The following PLEK variants were observed in gnomAD, a reference collection of about 807,000 sequenced individuals.
The protein encoded by PLEK is pleckstrin, also known as platelet 47 kDa protein.
Under a neutral mutation model 43.9 loss-of-function variants are expected in PLEK, and 25 were observed. The ratio of observed to expected loss-of-function variants is 0.57; its 90% CI spans 0.41 to 0.79. PLEK has a LOEUF of 0.79. Ranked by LOEUF, PLEK falls within the 30% of genes least tolerant of loss-of-function variation. PLEK has a pLI of 0.00. For synonymous variants in PLEK, 152 were observed against 144.4 expected, an observed-to-expected ratio of 1.05 and a Z score of -0.38; for missense variants, 396 against 413.3, an observed-to-expected ratio of 0.96 and a Z score of 0.36.
At chr2:68,375,568 G>A (rs1295054309) in intron 1 of PLEK, among the ~76,000 whole-genome samples, 1 of 152,132 alleles carries the variant, frequency 6.6e-6, no homozygotes, top group Middle Eastern at 3.2e-3. Flanking sequence ...AAAGAGATAG[G>A]GTATTTTAAT....
intron 1 of PLEK, among the ~76,000 whole-genome samples, chr2:68,378,807 G>T (rs1365401884): frequency 6.6e-6 from 1 of 152,146 alleles, no homozygotes; most frequent in Non-Finnish European, 1.5e-5. Flanking sequence ...GAGAGGGCAA[G>T]TGGCTTACAC....
intron 3 of PLEK, 27 bp from the exon 4 acceptor site, chr2:68,382,515 T>C: frequency 7.5e-7 from 1 of 1,336,924 alleles, no homozygotes. Flanking sequence ...TGTTTGTTTG[T>C]TTGTTTGCTT....
intron 2 of PLEK, 67 bp from the exon 3 acceptor site, chr2:68,380,656 C>T: frequency 1.3e-6 from 2 of 1,521,796 alleles, no homozygotes; most frequent in Non-Finnish European, 1.8e-6. Flanking sequence ...CCAATGGCCT[C>T]TGCTTCATGA....
chr2:68,387,007 A>G (rs1201755429), intron 5 of PLEK, among the ~76,000 whole-genome samples: 2 of 152,016 alleles, frequency 1.3e-5, no homozygotes, highest in South Asian at 2.1e-4. Context: ...TTTACTTATT[A>G]TTATTTTTTA....
chr2:68,374,237 C>G (rs943497020), intron 1 of PLEK, among the ~76,000 whole-genome samples: 1 of 152,188 alleles, frequency 6.6e-6, no homozygotes, highest in Non-Finnish European at 1.5e-5. Context: ...ATGCCATTAT[C>G]ACATCTAAGA....
intron 1 of PLEK, among the ~76,000 whole-genome samples, chr2:68,374,665 C>T (rs1294721984): frequency 6.6e-6 from 1 of 152,258 alleles, no homozygotes; most frequent in South Asian, 2.1e-4. Context: ...TTGTTCCCTT[C>T]CTAGTCTATA....
At chr2:68,382,276 G>A (rs187014982) in intron 3 of PLEK, among the ~76,000 whole-genome samples, 1 of 152,252 alleles carries the variant, frequency 6.6e-6, no homozygotes, top group Admixed American at 6.5e-5. Flanking sequence ...TCAACAAACA[G>A]CTGAATGAAT....
At chr2:68,380,932 C>T (rs1358318906) in intron 3 of PLEK, 28 bp downstream of exon 3, 1 of 1,586,958 alleles carries the variant, frequency 6.3e-7, no homozygotes, top group Admixed American at 1.7e-5. Flanking sequence ...CTTCTCTTTA[C>T]CCATTCCTTC....
In PLEK at chr2:68,388,488, G is replaced by A. The variant is rs779605771; in HGVS notation, c.759G>A (p.Lys253=). 1 of 1,536,836 alleles carries A rather than the reference G, an allele frequency of 6.5e-7. No homozygotes were observed. The highest frequency in any genetic ancestry group is 1.7e-5 in the Admixed American group (1 of 59,938). ...GVIIKQGCLL[K]QGHRRKNWKV... is the part of the protein sequence containing the mutation. ...TTATCAAGCAGGGATGTTTACTGAAGCAGGTGAGTGGCCACAACTGCTCCC... is the reference window on the plus strand; with the variant it reads ...TTATCAAGCAGGGATGTTTACTGAAACAGGTGAGTGGCCACAACTGCTCCC... The change falls in exon 6 of 9, where the codon AAG becomes AAA. Residue 253 remains lysine (K), a synonymous_variant. Transcript: ENST00000234313.
intron 6 of PLEK, among the ~76,000 whole-genome samples, chr2:68,391,543 T>G (rs929693642): frequency 6.6e-6 from 1 of 152,198 alleles, no homozygotes; most frequent in Non-Finnish European, 1.5e-5. Context: ...TCTGCAGGGG[T>G]TCCAGCTCCA....
intron 1 of PLEK, among the ~76,000 whole-genome samples, chr2:68,365,809 A>C (rs1247729865): frequency 1.3e-5 from 2 of 152,072 alleles, no homozygotes; most frequent in African/African-American, 4.8e-5. Context: ...AGGCAAGGGG[A>C]AAAAAGTGAT....
Position 68,380,366 on chromosome 2 carries a change from A to G in PLEK, c.81A>G (p.Val27=), listed in dbSNP as rs909322497. Residue 27 remains valine (V), a synonymous_variant, in exon 2 of 9, where the codon GTA becomes GTG. Coordinates refer to ENST00000234313, the MANE Select transcript of PLEK (RefSeq NM_002664.3). The part of the protein sequence containing the change: ...VFNTWKPMWV[V]LLEDGIEFYK... ...ATACGTGGAAACCCATGTGGGTTGT[A>G]TTGTTAGAAGATGGAATTGAATTCT... 5 of 1,613,612 alleles carry G rather than the reference A, an allele frequency of 3.1e-6. No homozygotes were observed. The highest frequency in any genetic ancestry group is 4.2e-6 in the Non-Finnish European group (5 of 1,179,676).
intron 1 of PLEK, among the ~76,000 whole-genome samples, chr2:68,366,615 A>G (rs1256099859): frequency 6.6e-6 from 1 of 152,196 alleles, no homozygotes; most frequent in Non-Finnish European, 1.5e-5. Flanking sequence ...TGATGGTGAG[A>G]GCTATGAGTT....
intron 6 of PLEK, among the ~76,000 whole-genome samples, chr2:68,389,246 CA>C (rs1673813275): frequency 2.6e-5 from 4 of 152,176 alleles, no homozygotes; most frequent in Admixed American, 2.6e-4. Context: ...TGAGAATATT[CA>C]GGGGGAAGCT....
At chr2:68,382,329 A>G (rs192964580) in intron 3 of PLEK, among the ~76,000 whole-genome samples, 8 of 152,340 alleles carry the variant, frequency 5.3e-5, no homozygotes, top group Non-Finnish European at 1.2e-4. Flanking sequence ...CAGCATTGCT[A>G]AACGCTGTGC....
chr2:68,386,471 A>G (rs760026689), intron 4 of PLEK, 31 bp from the exon 5 acceptor site: 4 of 1,582,148 alleles, frequency 2.5e-6, no homozygotes, highest in African/African-American at 1.3e-5. Flanking sequence ...CGGTAAGGAG[A>G]GTTAACCTTC....
chr2:68,394,185 A>C lies in PLEK; in HGVS notation c.916+9A>C. ...GGAGAGCAACTCAAATGGTAAGATG[A>C]ATTTCTGTGTGAGAGAGGTGGGTCT... On this transcript the variant is annotated intron_variant, in intron 8 of 8. Transcript: ENST00000234313. The C allele has an allele frequency of 6.4e-7, 1 of 1,569,074 alleles. No individual in the cohort carries two copies. Among genetic ancestry groups the C allele is most frequent in the South Asian group, 1.1e-5 (1 of 90,210 alleles).
intron 1 of PLEK, among the ~76,000 whole-genome samples, chr2:68,367,360 T>C (rs1335844174): frequency 6.6e-6 from 1 of 152,156 alleles, no homozygotes; most frequent in Non-Finnish European, 1.5e-5. Context: ...TACAGATCAT[T>C]TTGTTACCTA....
In PLEK at chr2:68,379,988, C is replaced by T. The variant is rs73932647; in HGVS notation, c.43-340C>T. On this transcript the variant is annotated intron_variant, in intron 1 of 8. Coordinates refer to ENST00000234313, the MANE Select transcript of PLEK (RefSeq NM_002664.3). ...AAAGCAGGAGGCACCCCTGAGATCACGGTGGGTCTGTGCAGTTCGGGAAGC... is the reference window on the plus strand; with the variant it reads ...AAAGCAGGAGGCACCCCTGAGATCATGGTGGGTCTGTGCAGTTCGGGAAGC... 4.6e-5 allele frequency among the ~76,000 whole-genome samples: 7 copies of T among 151,994 alleles called. No individual in the cohort carries two copies. In the South Asian group the frequency reaches 8.3e-4, roughly 18 times the overall value.
Sources: allele counts gnomAD v4.1 joint callset (sites outside exome capture counted in the v4.1 genomes callset), GRCh38; gene constraint gnomAD v4.1.1; transcripts MANE v1.5; gene names NCBI Gene and HGNC (gene_info 2026-07-23, HGNC 2026-07-21).